The following PIEZO2 variants were observed in gnomAD, a reference collection of about 807,000 sequenced individuals.
PIEZO2 encodes the protein piezo-type mechanosensitive ion channel component 2.
A neutral mutation model predicts 337.3 loss-of-function variants in PIEZO2; 172 were observed. The ratio of observed to expected loss-of-function variants is 0.51; its 90% CI spans 0.45 to 0.58. The LOEUF is 0.58. Ranked by LOEUF, PIEZO2 falls within the 20% of genes least tolerant of loss-of-function variation. PIEZO2 has a pLI of 0.00. For synonymous variants in PIEZO2, 1,251 were observed against 1,228.5 expected (o/e 1.02, Z -0.38); for missense variants, 3,028 against 3,391.3 (o/e 0.89, Z 2.66).
chr18:10,743,731 T>A (rs1168984565), intron 31 of PIEZO2, among the ~76,000 whole-genome samples: 1 of 152,220 alleles, frequency 6.6e-6, no homozygotes, highest in African/African-American at 2.4e-5. Context: ...ATCAAGTACT[T>A]GGCACTGAGC....
intron 36 of PIEZO2, 49 bp downstream of exon 36, chr18:10,731,358 C>T: frequency 7.5e-7 from 1 of 1,324,808 alleles, no homozygotes; most frequent in Middle Eastern, 1.8e-4. Flanking sequence ...CTGGGGAGCA[C>T]AGCCTGAAAC....
intron 1 of PIEZO2, among the ~76,000 whole-genome samples, chr18:11,103,786 CGTGTGTGTGT>C (rs71364107): frequency 6.1e-5 from 9 of 148,384 alleles, no homozygotes; most frequent in African/African-American, 2.2e-4. Context: ...AGATGCTGGT[CGTGTGTGTGT>C]GTGTGTGTGT....
intron 21 of PIEZO2, chr18:10,769,645 G>A (rs2038514067): frequency 6.6e-6 from 1 of 152,410 alleles, no homozygotes; most frequent in South Asian, 2.1e-4. Context: ...TCTGTTGGCT[G>A]GATGACGACT....
rs2039547794 is a variant in PIEZO2, at chr18:10,795,341, ATTTTATTTTATTATT to A, written c.1528-354_1528-340del. Among the ~76,000 whole-genome samples, 1 of 22,052 alleles carries A rather than the reference ATTTTATTTTATTATT, an allele frequency of 4.5e-5. No homozygotes were observed. Among genetic ancestry groups the A allele is most frequent in the South Asian group, 1.7e-3 (1 of 584 alleles). The allele number at this position is 22,052 out of a possible 152,430, so 14.5% of individuals were successfully genotyped here. On this transcript the variant is annotated intron_variant, in intron 12 of 55. Transcript: ENST00000674853. The surrounding 1 kb of genome is among the most constrained non-coding windows in gnomAD (Gnocchi z 4.4). ...ATTTTATTTTATTTTATTTTATTTT[ATTTTATTTTATTATT>A]TTATTTTATTTTATTTTATTTTATT...
chr18:11,106,826 C>T (rs909386422), intron 1 of PIEZO2, among the ~76,000 whole-genome samples: 1 of 147,156 alleles, frequency 6.8e-6, no homozygotes, highest in Non-Finnish European at 1.5e-5. Flanking sequence ...AAAGAAATGG[C>T]TTGGGACTGT....
intron 51 of PIEZO2, 131 bp from the exon 52 acceptor site, chr18:10,680,502 G>A: frequency 1.1e-6 from 1 of 886,358 alleles, no homozygotes; most frequent in Non-Finnish European, 1.7e-6. Flanking sequence ...TTTTATAATG[G>A]ATGGTCTTGA....
chr18:10,680,494 T>G, intron 51 of PIEZO2, 123 bp from the exon 52 acceptor site: 1 of 917,860 alleles, frequency 1.1e-6, no homozygotes, highest in East Asian at 2.6e-5. Flanking sequence ...GGGAATATTT[T>G]TATAATGGAT....
chr18:11,042,052 T>TG (rs2145811276), intron 2 of PIEZO2, among the ~76,000 whole-genome samples: 1 of 152,312 alleles, frequency 6.6e-6, no homozygotes, highest in African/African-American at 2.4e-5. Context: ...ATCATCTCTC[T>TG]GGTAAAAATG....
At chr18:10,904,384 A>C (rs2043123615) in intron 4 of PIEZO2, among the ~76,000 whole-genome samples, 1 of 152,222 alleles carries the variant, frequency 6.6e-6, no homozygotes, top group Non-Finnish European at 1.5e-5. Context: ...CTAAGATTTG[A>C]CTTTACTCAT....
intron 37 of PIEZO2, among the ~76,000 whole-genome samples, chr18:10,717,753 T>A (rs2036074364): frequency 6.6e-6 from 1 of 152,220 alleles, no homozygotes; most frequent in African/African-American, 2.4e-5. Context: ...GAGCTTGGTT[T>A]TCCCCTCCTA....
intron 44 of PIEZO2, among the ~76,000 whole-genome samples, chr18:10,698,290 C>T (rs927410701): frequency 6.6e-6 from 1 of 152,140 alleles, no homozygotes; most frequent in Non-Finnish European, 1.5e-5. Flanking sequence ...TGACTATACA[C>T]CACTGCATGG....
At chr18:10,770,416 A>G (rs953204886) in intron 20 of PIEZO2, 108 bp from the exon 21 acceptor site, 14 of 1,173,980 alleles carry the variant, frequency 1.2e-5, no homozygotes, top group Non-Finnish European at 1.4e-5. Flanking sequence ...AAATAATTAC[A>G]GTGGATGAAT....
intron 1 of PIEZO2, among the ~76,000 whole-genome samples, chr18:11,093,725 T>C (rs545609633): frequency 3.3e-5 from 5 of 151,896 alleles, no homozygotes; most frequent in Admixed American, 6.6e-5. Context: ...TAGCTCGGAC[T>C]ACAGGCGCCC....
chr18:11,022,224 T>C (rs2660260), intron 2 of PIEZO2, among the ~76,000 whole-genome samples: 69,955 of 152,034 alleles, frequency 0.46, 16,230 homozygotes, highest in Middle Eastern at 0.53. Context: ...CCCCTAACTG[T>C]GCAGGCCTGA....
In PIEZO2 at chr18:11,075,253, T is replaced by G. The variant is rs368964386; in HGVS notation, c.65-9031A>C. 3.9e-5 allele frequency among the ~76,000 whole-genome samples: 6 copies of G among 152,360 alleles called. No individual in the cohort carries two copies. In the East Asian group the frequency reaches 9.6e-4, roughly 24 times the overall value. On this transcript the variant is annotated intron_variant, in intron 1 of 55. Coordinates refer to ENST00000674853, the MANE Select transcript of PIEZO2 (RefSeq NM_001378183.1). The stretch of plus-strand genomic sequence containing the variant: ...ATTGATTGCTTTTAAAAGGACATTC[T>G]TTCAAAATTATGGTTATTTTATGAA...
Position 10,878,229 on chromosome 18 carries a change from C to A in PIEZO2, c.330-6814G>T, listed in dbSNP as rs911594577. Reference sequence around the variant, plus strand: ...TGGTAGATGGTGCAGTGTAAACCATCAGTAAAGGCTGGCTGGATGCATGCT... The same window carrying A: ...TGGTAGATGGTGCAGTGTAAACCATAAGTAAAGGCTGGCTGGATGCATGCT... On this transcript the variant is annotated intron_variant, in intron 4 of 55. Coordinates refer to ENST00000674853, the MANE Select transcript of PIEZO2 (RefSeq NM_001378183.1). The surrounding 1 kb of genome is among the most constrained non-coding windows in gnomAD (Gnocchi z 4.3). Among the ~76,000 whole-genome samples, 1 of 152,220 alleles carries A rather than the reference C, an allele frequency of 6.6e-6. No homozygotes were observed. Among genetic ancestry groups the A allele is most frequent in the African/African-American group, 2.4e-5 (1 of 41,446 alleles).
At position 10,973,625 on chromosome 18, in the gene PIEZO2, T is replaced by C. The variant is rs1401545066; in HGVS notation, c.286+5910A>G. 6.6e-6 allele frequency among the ~76,000 whole-genome samples: 1 copy of C among 152,194 alleles called. No homozygotes were observed. Among genetic ancestry groups the C allele is most frequent in the African/African-American group, 2.4e-5 (1 of 41,446 alleles). ...TGGACCAGTTTTTTAAATTGTTGTATTGAGCGGCAACATCTGCTTTCAGGA... is the reference window on the plus strand; with the variant it reads ...TGGACCAGTTTTTTAAATTGTTGTACTGAGCGGCAACATCTGCTTTCAGGA... On this transcript the variant is annotated intron_variant, in intron 3 of 55. Transcript: ENST00000674853. The surrounding 1 kb of genome is among the most constrained non-coding windows in gnomAD (Gnocchi z 4.9).
chr18:10,851,080 C>T (rs1379063420), intron 7 of PIEZO2, among the ~76,000 whole-genome samples: 1 of 151,890 alleles, frequency 6.6e-6, no homozygotes, highest in African/African-American at 2.4e-5. Flanking sequence ...TAAACACCCA[C>T]CCATGGTGAT....
intron 2 of PIEZO2, among the ~76,000 whole-genome samples, chr18:11,065,480 T>C (rs1314680700): frequency 1.3e-5 from 2 of 152,258 alleles, no homozygotes; most frequent in Non-Finnish European, 2.9e-5. Flanking sequence ...AACCAGAGCA[T>C]GTTTCCTAAT....
Sources: allele counts gnomAD v4.1 joint callset (sites outside exome capture counted in the v4.1 genomes callset), GRCh38; gene constraint gnomAD v4.1.1; non-coding constraint Gnocchi (gnomAD v3.1); transcripts MANE v1.5; gene names NCBI Gene and HGNC (gene_info 2026-07-23, HGNC 2026-07-21).